Variants in SLCO1A2 observed in about 807,000 individuals in gnomAD.
SLCO1A2 encodes the protein OATP-1.
In SLCO1A2, 67 loss-of-function variants were observed where a neutral mutation model predicts 69.0. That is an observed-to-expected ratio of 0.97 (90% CI 0.80 to 1.19). The LOEUF is 1.19. Ranked by LOEUF, SLCO1A2 falls within the 50% of genes most tolerant of loss-of-function variation. The pLI, the probability that SLCO1A2 is intolerant of heterozygous loss-of-function variation, is 0.00. For missense variants in SLCO1A2, 787 were observed against 793.7 expected (o/e 0.99, Z 0.10); for synonymous variants, 260 against 265.9 (o/e 0.98, Z 0.22).
At chr12:21,407,587 G>A (rs1231366406) in intron 1 of SLCO1A2, among the ~76,000 whole-genome samples, 1 of 152,150 alleles carries the variant, frequency 6.6e-6, no homozygotes, top group Non-Finnish European at 1.5e-5. Flanking sequence ...AATCACTTGA[G>A]CTCAGGAGTT....
At chr12:21,375,330 T>C (rs1404281421) in intron 1 of SLCO1A2, among the ~76,000 whole-genome samples, 1 of 152,174 alleles carries the variant, frequency 6.6e-6, no homozygotes, top group East Asian at 1.9e-4. Flanking sequence ...TTAAAGGGAG[T>C]ATGATTTGTC....
intron 1 of SLCO1A2, among the ~76,000 whole-genome samples, chr12:21,405,838 C>G (rs150627431): frequency 6.6e-6 from 1 of 152,314 alleles, no homozygotes; most frequent in African/African-American, 2.4e-5. Flanking sequence ...TTTAAAAGCA[C>G]TAGCTGAACC....
At chr12:21,329,771 A>G (rs948828069) in intron 2 of SLCO1A2, among the ~76,000 whole-genome samples, 1 of 151,410 alleles carries the variant, frequency 6.6e-6, no homozygotes, top group Non-Finnish European at 1.5e-5. Flanking sequence ...AAAATTCTTT[A>G]GCAAAAGCTA....
At chr12:21,393,394 C>T (rs540093209) in intron 1 of SLCO1A2, among the ~76,000 whole-genome samples, 5 of 152,250 alleles carry the variant, frequency 3.3e-5, no homozygotes, top group Admixed American at 2.0e-4. Context: ...ATGATATACA[C>T]TGATTCTATT....
chr12:21,367,531 G>T (rs1394182825), intron 2 of SLCO1A2, among the ~76,000 whole-genome samples: 2 of 151,948 alleles, frequency 1.3e-5, no homozygotes, highest in Non-Finnish European at 2.9e-5. Context: ...ATGAAGAGTG[G>T]TCATATCATA....
intron 1 of SLCO1A2, chr12:21,378,569 G>A: frequency 1.5e-6 from 1 of 675,514 alleles, no homozygotes; most frequent in Non-Finnish European, 2.6e-6. Context: ...TCAAAAGATT[G>A]TTTTATATGT....
At position 21,266,159 on chromosome 12, in the gene SLCO1A2, T is replaced by A. The variant is rs1255752141; in HGVS notation, c.*3389A>T. 1 of 152,130 alleles carries A rather than the reference T, an allele frequency of 6.6e-6. No homozygotes were observed. The highest frequency in any genetic ancestry group is 1.5e-5 in the Non-Finnish European group (1 of 68,020). The allele number at this position is 152,130 out of a possible 1,614,324, so 9.4% of individuals were successfully genotyped here. A position where few individuals can be genotyped will look rare whatever the true frequency, so the allele number is the denominator to read the frequency against. Reference sequence around the variant, plus strand: ...CCAGTATCTGATCTAACAGCTCTGGTTACATAACATTCTGGTTACATAACA... The same window carrying A: ...CCAGTATCTGATCTAACAGCTCTGGATACATAACATTCTGGTTACATAACA... On this transcript the variant is annotated 3_prime_UTR_variant, in exon 15 of 15. Coordinates refer to ENST00000683939, the MANE Select transcript of SLCO1A2 (RefSeq NM_001386879.1).
intron 1 of SLCO1A2, among the ~76,000 whole-genome samples, chr12:21,403,958 T>A (rs1941780872): frequency 6.6e-6 from 1 of 152,128 alleles, no homozygotes; most frequent in Non-Finnish European, 1.5e-5. Context: ...AGTTCAACTT[T>A]CAGTGTAGCT....
chr12:21,332,802 C>T (rs531931919), intron 2 of SLCO1A2, among the ~76,000 whole-genome samples: 6 of 152,192 alleles, frequency 3.9e-5, no homozygotes, highest in African/African-American at 4.8e-5. Context: ...AATCACCTCT[C>T]GAAGGCCCCA....
upstream of SLCO1A2, chr12:21,419,068 T>G (rs1192059108): frequency 6.6e-6 from 1 of 152,090 alleles, no homozygotes; most frequent in Non-Finnish European, 1.5e-5. Context: ...CATATAAAAT[T>G]AAACATAGGA....
chr12:21,275,318 A>G (rs1159167907), intron 13 of SLCO1A2, 42 bp downstream of exon 13: 3 of 1,459,596 alleles, frequency 2.1e-6, no homozygotes, highest in East Asian at 2.4e-5. Flanking sequence ...AATAATAATA[A>G]TATTGTTCTG....
At chr12:21,391,082 C>T (rs1054676910) in intron 1 of SLCO1A2, among the ~76,000 whole-genome samples, 4 of 152,104 alleles carry the variant, frequency 2.6e-5, no homozygotes, top group African/African-American at 9.7e-5. Context: ...GTGTAAATTT[C>T]TGAAATTTTC....
intron 1 of SLCO1A2, among the ~76,000 whole-genome samples, chr12:21,384,586 GTAGAT>G (rs1368401341): frequency 2.6e-5 from 4 of 152,096 alleles, no homozygotes. Context: ...AGGGTTGTAA[GTAGAT>G]TAGAATAGCA....
chr12:21,369,220 T>C (rs992544796), intron 2 of SLCO1A2, among the ~76,000 whole-genome samples: 5 of 152,214 alleles, frequency 3.3e-5, no homozygotes, highest in African/African-American at 1.2e-4. Flanking sequence ...CTGACACTCA[T>C]GTTTATCTTC....
At chr12:21,409,020 G>A (rs1941867084) in intron 1 of SLCO1A2, among the ~76,000 whole-genome samples, 1 of 152,142 alleles carries the variant, frequency 6.6e-6, no homozygotes, top group South Asian at 2.1e-4. Context: ...AGGTATCCTG[G>A]GTTCTAAAAG....
intron 2 of SLCO1A2, among the ~76,000 whole-genome samples, chr12:21,367,441 G>T (rs1247848002): frequency 2.0e-5 from 3 of 152,110 alleles, no homozygotes; most frequent in Non-Finnish European, 4.4e-5. Flanking sequence ...AAAGCAGAAG[G>T]TCAGAGGCTA....
chr12:21,410,635 G>C (rs1941893487), intron 1 of SLCO1A2, among the ~76,000 whole-genome samples: 1 of 152,128 alleles, frequency 6.6e-6, no homozygotes, highest in Non-Finnish European at 1.5e-5. Context: ...GTGAAATGGT[G>C]CATCAAATGG....
chr12:21,377,993 G>T (rs1246352969), intron 1 of SLCO1A2, among the ~76,000 whole-genome samples: 1 of 151,924 alleles, frequency 6.6e-6, no homozygotes, highest in African/African-American at 2.4e-5. Context: ...ATTTCCAAAG[G>T]AAGACTTTTA....
At chr12:21,273,869 T>C (rs1943323781) in intron 14 of SLCO1A2, 1 of 152,128 alleles carries the variant, frequency 6.6e-6, no homozygotes, top group South Asian at 2.1e-4. Context: ...GTAGCTTTAT[T>C]ATTGCCCCAT....
Sources: allele counts gnomAD v4.1 joint callset (sites outside exome capture counted in the v4.1 genomes callset), GRCh38; gene constraint gnomAD v4.1.1; transcripts MANE v1.5; gene names NCBI Gene and HGNC (gene_info 2026-07-23, HGNC 2026-07-21).